The following CUL4B variants were observed in gnomAD, a reference collection of about 807,000 sequenced individuals.
CUL4B encodes cullin-4B.
In CUL4B, 1 loss-of-function variant was observed where a neutral mutation model predicts 69.2. The observed-to-expected ratio is 0.01, with a 90% CI of 0.01 to 0.07. The LOEUF (loss-of-function observed/expected upper bound fraction) is 0.07. CUL4B is among the 10% of genes least tolerant of loss of function. The pLI, the probability that CUL4B is intolerant of heterozygous loss-of-function variation, is 1.00. For missense variants in CUL4B, 328 were observed against 638.8 expected (o/e 0.51, Z 5.24); for synonymous variants, 237 against 223.2 (o/e 1.06, Z -0.55).
chrX:120,566,365 A>ATATG (rs1556253081), upstream of CUL4B, among the ~76,000 whole-genome samples: 13 of 58,770 alleles, frequency 2.2e-4, 1 homozygote, highest in African/African-American at 3.7e-4. Context: ...ATATATATAT[A>ATATG]TATATATATA....
Position 120,538,196 on chromosome X carries a change from A to G in CUL4B, c.1866T>C (p.Ala622=). 1.7e-6 allele frequency: 2 copies of G among 1,176,664 alleles called. No homozygotes were observed. The highest frequency in any genetic ancestry group is 3.5e-5 in the African/African-American group (2 of 57,251). ...LSKLKHECGA[A]FTSKLEGMFK... is the part of the protein sequence containing the mutation. ...ACATTCCTTCAAGTTTGCTGGTGAA[A>G]GCAGCTCCGCATTCTATTAAAGATG... The change falls in exon 14 of 20, where the codon GCT becomes GCC. Residue 622 remains alanine, a synonymous_variant. Coordinates refer to ENST00000371322, the MANE Select transcript of CUL4B (RefSeq NM_001079872.2).
At chrX:120,573,133 C>T (rs994478775) in intron 2 of CUL4B, among the ~76,000 whole-genome samples, 1 of 111,286 alleles carries the variant, frequency 9.0e-6, no homozygotes, top group Admixed American at 9.6e-5. Flanking sequence ...GGTGCATCAC[C>T]TTCCTCAGCA....
intron 2 of CUL4B, among the ~76,000 whole-genome samples, chrX:120,551,516 A>G (rs1305551103): frequency 6.3e-5 from 7 of 111,102 alleles, no homozygotes; most frequent in Admixed American, 9.7e-5. Flanking sequence ...AACCTTTCAC[A>G]CATCCTTTGA....
rs1053424487 is a variant in CUL4B at position 120,526,690 on chromosome X, A to C, written c.*71T>G. 5.3e-5 allele frequency: 36 copies of C among 680,048 alleles called. No homozygotes were observed. The highest frequency in any genetic ancestry group is 3.1e-4 in the Middle Eastern group (1 of 3,184). The allele number at this position is 680,048 out of a possible 1,213,427, so 56.0% of individuals were successfully genotyped here. A position where few individuals can be genotyped will look rare whatever the true frequency, so the allele number is the denominator to read the frequency against. ...ATCGGTAGTAAAAAAGGAGTCAAAT[A>C]ATATTGAATCAACAGGTTAGTTTAT... On this transcript the variant is annotated 3_prime_UTR_variant, in exon 20 of 20. Transcript: ENST00000371322.
intron 1 of CUL4B, 154 bp downstream of exon 1, chrX:120,559,929 C>A: frequency 8.8e-7 from 1 of 1,141,427 alleles, no homozygotes. Context: ...GAAAATGAAC[C>A]CTCCACCAAA....
At chrX:120,544,016 A>T in intron 7 of CUL4B, 98 bp downstream of exon 7, 1 of 616,410 alleles carries the variant, frequency 1.6e-6, no homozygotes, top group East Asian at 3.4e-5. Context: ...AGAGCATCAC[A>T]ATGTTGGGAA....
At chrX:120,545,837 T>C (rs1325564305) in intron 4 of CUL4B, among the ~76,000 whole-genome samples, 5 of 97,750 alleles carry the variant, frequency 5.1e-5, no homozygotes, top group Non-Finnish European at 1.0e-4. Context: ...CTGCCTTACA[T>C]TGCACATGTG....
Position 120,536,902 on chromosome X carries a change from C to T in CUL4B, c.2046+25G>A, listed in dbSNP as rs1310165563. 5 of 1,011,474 alleles carry T rather than the reference C, an allele frequency of 4.9e-6. No homozygotes were observed. The African/African-American group carries it at 9.4e-5, about 19-fold the overall frequency. 83.4% of individuals were successfully genotyped at this position (1,011,474 alleles called of 1,213,427 possible). A position where few individuals can be genotyped will look rare whatever the true frequency, so the allele number is the denominator to read the frequency against. On this transcript the variant is annotated intron_variant, in intron 15 of 19. Transcript: ENST00000371322. ...AATGCTATGATTTCTATGCCTATAA[C>T]TCAGTTCTAAACAGTAACTCTTACC...
chrX:120,567,992 C>T (rs748277464), downstream of CUL4B, among the ~76,000 whole-genome samples: 25 of 111,960 alleles, frequency 2.2e-4, no homozygotes, highest in African/African-American at 6.2e-4. Context: ...ACTTGTATTC[C>T]GTTTAATGCC....
At chrX:120,562,817 G>A (rs1234267108), upstream of CUL4B, among the ~76,000 whole-genome samples, 5 of 111,555 alleles carry the variant, frequency 4.5e-5, no homozygotes, top group African/African-American at 1.6e-4. Flanking sequence ...GGAAGATGAG[G>A]CTCAAAAGTG....
chrX:120,536,769 G>T (rs1360340671), intron 15 of CUL4B, among the ~76,000 whole-genome samples, 158 bp downstream of exon 15: 3 of 111,812 alleles, frequency 2.7e-5, no homozygotes, highest in African/African-American at 9.8e-5. Flanking sequence ...GCTGAGGCGG[G>T]GGGGATCACT....
chrX:120,546,405 A>C (rs1924328411), intron 4 of CUL4B, 142 bp downstream of exon 4: 1 of 430,692 alleles, frequency 2.3e-6, no homozygotes, highest in Non-Finnish European at 3.9e-6. Context: ...ATTTTTAAAA[A>C]AAGAAAAAAA....
At position 120,535,531 on chromosome X, in the gene CUL4B, C is replaced by A. The variant is rs375822509; in HGVS notation, c.2160+299G>T. Among the ~76,000 whole-genome samples the A allele has an allele frequency of 7.4e-5, 8 of 108,365 alleles. No homozygotes were observed. In the East Asian group the frequency reaches 8.7e-4, roughly 12 times the overall value. 94.1% of individuals were successfully genotyped at this position (108,365 alleles called of 115,157 possible). On this transcript the variant is annotated intron_variant, in intron 16 of 19. Transcript: ENST00000371322. ...CATCCTGGCCAACATGGTGAAACCC[C>A]GTCTCCACTAAAAATACAAAAAAAA...
chrX:120,532,205 A>G, intron 18 of CUL4B: 1 of 354,515 alleles, frequency 2.8e-6, no homozygotes, highest in Non-Finnish European at 4.9e-6. Context: ...CTAAATAAAC[A>G]AAGTAAGATA....
chrX:120,550,024 T>C (rs751231161), intron 2 of CUL4B, among the ~76,000 whole-genome samples: 1 of 111,930 alleles, frequency 8.9e-6, no homozygotes, highest in African/African-American at 3.2e-5. Flanking sequence ...CATCTACTTA[T>C]CTTCTCACAC....
At chrX:120,555,713 G>A (rs1010418552) in intron 2 of CUL4B, among the ~76,000 whole-genome samples, 1 of 109,644 alleles carries the variant, frequency 9.1e-6, no homozygotes. Context: ...AGGTGGAGGC[G>A]GGTGGATCAC....
intron 11 of CUL4B, among the ~76,000 whole-genome samples, chrX:120,540,123 T>G (rs1485282498): frequency 8.9e-6 from 1 of 112,409 alleles, no homozygotes; most frequent in Non-Finnish European, 1.9e-5. Flanking sequence ...CAGATTAGCT[T>G]ATTATCAATA....
chrX:120,537,969 T>C lies in CUL4B; in HGVS notation c.1938+155A>G, dbSNP rs750652680. 8.6e-4 allele frequency: 366 copies of C among 427,664 alleles called. No homozygotes were observed. The highest frequency in any genetic ancestry group is 1.9e-3 in the Middle Eastern group (3 of 1,544). The allele number at this position is 427,664 out of a possible 1,213,427, so 35.2% of individuals were successfully genotyped here. A position where few individuals can be genotyped will look rare whatever the true frequency, so the allele number is the denominator to read the frequency against. ...TCCTAAAGTAGGTCAAATATACTTA[T>C]ATTTCACCAATTTTTTTTTCTACTG... On this transcript the variant is annotated intron_variant, in intron 14 of 19. Coordinates refer to ENST00000371322, the MANE Select transcript of CUL4B (RefSeq NM_001079872.2).
intron 2 of CUL4B, among the ~76,000 whole-genome samples, chrX:120,572,267 C>A (rs1410749450): frequency 1.8e-5 from 2 of 108,947 alleles, no homozygotes; most frequent in African/African-American, 3.3e-5. Context: ...AGTTCAAGAC[C>A]AGCCTGACCA....
Sources: gnomAD v4.1 joint callset for allele counts (sites outside exome capture counted in the v4.1 genomes callset) on GRCh38, gnomAD v4.1.1 for gene constraint, MANE v1.5 for transcripts, NCBI Gene and HGNC (gene_info 2026-07-23, HGNC 2026-07-21) for gene names.